The following AGAP1 variants were observed in gnomAD, a reference collection of about 807,000 sequenced individuals.
The protein encoded by AGAP1 is arf-GAP with GTPase, ANK repeat and PH domain-containing protein 1.
A neutral mutation model predicts 105.3 loss-of-function variants in AGAP1; 29 were observed. The observed-to-expected ratio is 0.28, with a 90% confidence interval of 0.21 to 0.38. The LOEUF (loss-of-function observed/expected upper bound fraction) is 0.38, where lower values mean the gene tolerates loss of function less well. Ranked by LOEUF, AGAP1 falls within the 10% of genes least tolerant of loss-of-function variation. The pLI, the probability that AGAP1 is intolerant of heterozygous loss-of-function variation, is 1.00. For synonymous variants in AGAP1, 509 were observed against 485.9 expected, an observed-to-expected ratio of 1.05 and a Z score of -0.63; for missense variants, 998 against 1,165.1, an observed-to-expected ratio of 0.86 and a Z score of 2.09.
At chr2:235,669,736 G>A (rs1245282744) in intron 1 of AGAP1, 1 of 148,174 alleles carries the variant, frequency 6.7e-6, no homozygotes, top group African/African-American at 2.4e-5. Context: ...TGTGCAGCCG[G>A]AGCGGGAGGA....
rs191517240 is a variant in AGAP1, at chr2:235,685,768, G to C, written c.164-23411G>C. On this transcript the variant is annotated intron_variant, in intron 1 of 17. Coordinates refer to ENST00000304032, the MANE Select transcript of AGAP1 (RefSeq NM_001037131.3). ...TTTGAGACGGGTCTCAGTTAATCTT[G>C]AAAGTTTACTTTGCCAAGGTTGAGG... is the stretch of plus-strand genomic sequence containing the variant. Among the ~76,000 whole-genome samples the C allele has an allele frequency of 1.0e-3, 159 of 152,170 alleles. 1 individual carries two copies. The highest frequency in any genetic ancestry group is 3.6e-3 in the African/African-American group (150 of 41,558).
At chr2:235,856,182 G>T (rs2048677406) in intron 9 of AGAP1, among the ~76,000 whole-genome samples, 1 of 152,140 alleles carries the variant, frequency 6.6e-6, no homozygotes, top group Non-Finnish European at 1.5e-5. Flanking sequence ...AAATTGCTGG[G>T]ATTACAGGCG....
At chr2:235,783,895 G>A (rs1054542677) in intron 6 of AGAP1, among the ~76,000 whole-genome samples, 9 of 152,144 alleles carry the variant, frequency 5.9e-5, no homozygotes, top group African/African-American at 1.2e-4. Context: ...AGTTAATCAC[G>A]TGCATGTTGA....
chr2:235,618,126 G>A (rs1013994029), intron 1 of AGAP1, among the ~76,000 whole-genome samples: 29 of 152,036 alleles, frequency 1.9e-4, no homozygotes, highest in African/African-American at 6.0e-4. Context: ...TCTTGGGCGC[G>A]TGCAGTTTTT....
chr2:235,824,911 G>A lies in AGAP1; in HGVS notation c.1050+17580G>A, dbSNP rs1055155167. Among the ~76,000 whole-genome samples, 1 of 152,136 alleles carries A rather than the reference G, an allele frequency of 6.6e-6. No homozygotes were observed. The highest frequency in any genetic ancestry group is 2.1e-4 in the South Asian group (1 of 4,820). On this transcript the variant is annotated intron_variant, in intron 9 of 17. Transcript: ENST00000304032. This position sits in a 1 kb window ranked among gnomAD's most constrained non-coding sequence, Gnocchi z 5.2. ...GTTTTTATGTCTCACGTTTACAGGC[G>A]CTTTTCTGATTTTTCTTTCCCCCTA...
intron 11 of AGAP1, among the ~76,000 whole-genome samples, chr2:235,929,539 C>G (rs975621918): frequency 6.6e-5 from 10 of 151,994 alleles, no homozygotes; most frequent in Admixed American, 2.6e-4. Flanking sequence ...TTCTTCAAAG[C>G]CAAACGCCTC....
chr2:236,077,141 A>T (rs1440595808), intron 16 of AGAP1, among the ~76,000 whole-genome samples: 1 of 123,822 alleles, frequency 8.1e-6, no homozygotes, highest in Non-Finnish European at 1.7e-5. Context: ...AAAAAAAAAA[A>T]AATATATATA....
rs1946120300 is a variant in AGAP1 at position 235,611,411 on chromosome 2, TAATG to T, written c.164-97764_164-97761del. 6.6e-6 allele frequency among the ~76,000 whole-genome samples: 1 copy of T among 152,260 alleles called. No individual in the cohort carries two copies. The highest frequency in any genetic ancestry group is 6.5e-5 in the Admixed American group (1 of 15,286). ...CCTCAATGCAGCCTTCATATTTTCA[TAATG>T]AATAGTTATTGTGAAGGAGCTGATT... On this transcript the variant is annotated intron_variant, in intron 1 of 17. Transcript: ENST00000304032. This position sits in a 1 kb window ranked among gnomAD's most constrained non-coding sequence, Gnocchi z 5.0.
chr2:236,049,462 T>G, intron 16 of AGAP1, 181 bp downstream of exon 16: 1 of 555,234 alleles, frequency 1.8e-6, no homozygotes, highest in South Asian at 2.7e-5. Flanking sequence ...ACGTGGATAA[T>G]TCACACTCCT....
rs539379645 is a variant in AGAP1, at chr2:235,851,062, C to A, written c.1051-32283C>A. Among the ~76,000 whole-genome samples, 9 of 152,332 alleles carry A rather than the reference C, an allele frequency of 5.9e-5. No homozygotes were observed. In the South Asian group the frequency reaches 1.9e-3, roughly 32 times the overall value. On this transcript the variant is annotated intron_variant, in intron 9 of 17. Transcript: ENST00000304032. ...TGGGGTTGGTGTTCACAGGACTCTC[C>A]CACAGGAAGGGCGCTGAGCTGCAAA...
At chr2:235,564,478 A>G (rs1944275078) in intron 1 of AGAP1, among the ~76,000 whole-genome samples, 1 of 152,202 alleles carries the variant, frequency 6.6e-6, no homozygotes, top group East Asian at 1.9e-4. Flanking sequence ...ACTTCTGAGT[A>G]TATCTTCAAG....
At chr2:235,695,294 T>C (rs115726759) in intron 1 of AGAP1, among the ~76,000 whole-genome samples, 4,165 of 152,296 alleles carry the variant, frequency 0.027, 192 homozygotes, top group African/African-American at 0.095. Context: ...AGTGCACCTT[T>C]ATTGCCCTAT....
chr2:235,831,237 A>C (rs1959347791), intron 9 of AGAP1, among the ~76,000 whole-genome samples: 1 of 149,390 alleles, frequency 6.7e-6, no homozygotes, highest in African/African-American at 2.5e-5. Flanking sequence ...GTTTTAGGTC[A>C]CGGCAAAGTT....
chr2:235,526,197 T>C (rs889996984), intron 1 of AGAP1, among the ~76,000 whole-genome samples: 1 of 151,308 alleles, frequency 6.6e-6, no homozygotes, highest in Non-Finnish European at 1.5e-5. Flanking sequence ...GAGGACTGAT[T>C]TATAAAGTAG....
At position 236,076,926 on chromosome 2, in the gene AGAP1, C is replaced by T. The variant is rs2058649707; in HGVS notation, c.2114+27645C>T. Reference sequence around the variant, plus strand: ...TTCAAGACCAGCCAGGGCAACATGGCAAAACCCTGTCACTACAGAAAATAC... The same window carrying T: ...TTCAAGACCAGCCAGGGCAACATGGTAAAACCCTGTCACTACAGAAAATAC... On this transcript the variant is annotated intron_variant, in intron 16 of 17. Coordinates refer to ENST00000304032, the MANE Select transcript of AGAP1 (RefSeq NM_001037131.3). This position sits in a 1 kb window ranked among gnomAD's most constrained non-coding sequence, Gnocchi z 4.4. Among the ~76,000 whole-genome samples the T allele has an allele frequency of 6.7e-6, 1 of 149,892 alleles. No homozygotes were observed. Among genetic ancestry groups the T allele is most frequent in the Non-Finnish European group, 1.5e-5 (1 of 67,472 alleles).
chr2:235,827,965 G>A (rs1268564010), intron 9 of AGAP1, among the ~76,000 whole-genome samples: 11 of 152,316 alleles, frequency 7.2e-5, no homozygotes, highest in Middle Eastern at 3.4e-3. Flanking sequence ...GCCAGCCTGC[G>A]GGACTCCAGG....
At position 235,953,014 on chromosome 2, in the gene AGAP1, T is replaced by G. The variant is rs1397374956; in HGVS notation, c.1484-15448T>G. Among the ~76,000 whole-genome samples the G allele has an allele frequency of 2.0e-5, 3 of 152,166 alleles. No individual in the cohort carries two copies. Among genetic ancestry groups the G allele is most frequent in the Non-Finnish European group, 2.9e-5 (2 of 68,022 alleles). On this transcript the variant is annotated intron_variant, in intron 12 of 17. Transcript: ENST00000304032. The surrounding 1 kb of genome is among the most constrained non-coding windows in gnomAD (Gnocchi z 5.2). ...AAGGACCCATACAGCCTCTTTCAAG[T>G]GGCTGGGCCTTCTGTACGAGGCACC...
At chr2:235,671,023 C>T in intron 1 of AGAP1, 1 of 1,308,736 alleles carries the variant, frequency 7.6e-7, no homozygotes, top group Non-Finnish European at 9.7e-7. Context: ...CGCACTCGTC[C>T]AGCGCCGAGA....
rs992790314 is a variant in AGAP1 at position 236,014,294 on chromosome 2, G to A, written c.1646-22267G>A. ...TATTGCCTGAATCAAAATCTGTCTC[G>A]GGAAGACAACTTCACTTTTAACAGC... On this transcript the variant is annotated intron_variant, in intron 13 of 17. Transcript: ENST00000304032. This position sits in a 1 kb window ranked among gnomAD's most constrained non-coding sequence, Gnocchi z 6.3. 2.6e-5 allele frequency among the ~76,000 whole-genome samples: 4 copies of A among 152,076 alleles called. No homozygotes were observed. The highest frequency in any genetic ancestry group is 4.8e-5 in the African/African-American group (2 of 41,404).
Sources: gnomAD v4.1 joint callset for allele counts (sites outside exome capture counted in the v4.1 genomes callset) on GRCh38, gnomAD v4.1.1 for gene constraint, Gnocchi (gnomAD v3.1) non-coding constraint, MANE v1.5 for transcripts, NCBI Gene and HGNC (gene_info 2026-07-23, HGNC 2026-07-21) for gene names.